The following MYO10 variants were observed in gnomAD, a reference collection of about 807,000 sequenced individuals.
The protein encoded by MYO10 is myosin X, also known as unconventional myosin-X.
In MYO10, 133 loss-of-function variants were observed where a neutral mutation model predicts 257.3. That is an observed-to-expected ratio of 0.52 (90% CI 0.45 to 0.60). The LOEUF is 0.60. Among genes scored for constraint, MYO10 ranks in the 20% least tolerant of loss-of-function variants. MYO10 has a pLI of 0.00. For missense variants in MYO10, 2,399 were observed against 2,635.7 expected (o/e 0.91, Z 1.97); for synonymous variants, 1,104 against 1,028.6 (o/e 1.07, Z -1.40).
At chr5:16,916,163 C>T in intron 1 of MYO10, 1 of 456,016 alleles carries the variant, frequency 2.2e-6, no homozygotes, top group Non-Finnish European at 4.4e-6. Context: ...TGAACCATCT[C>T]CAGAGACCTT....
chr5:16,924,216 G>A (rs1227212435), intron 1 of MYO10, among the ~76,000 whole-genome samples: 2 of 152,198 alleles, frequency 1.3e-5, no homozygotes, highest in Non-Finnish European at 2.9e-5. Flanking sequence ...ACCACGCTGG[G>A]GGGTGAGATG....
intron 28 of MYO10, among the ~76,000 whole-genome samples, chr5:16,689,215 A>T (rs1737381321): frequency 6.6e-6 from 1 of 152,234 alleles, no homozygotes; most frequent in Non-Finnish European, 1.5e-5. Context: ...GAATCAAAAG[A>T]GTTAATATTT....
rs140839198 is a variant in MYO10 at position 16,778,222 on chromosome 5, C to T, written c.930+1323G>A. 3.9e-3 allele frequency among the ~76,000 whole-genome samples: 588 copies of T among 152,150 alleles called. 4 individuals carry two copies. The highest frequency in any genetic ancestry group is 0.024 in the Middle Eastern group (7 of 294). ...AGTGATGAAATCTCCTGGCCAGGCC[C>T]GATTGGGTGGGGCTGTTCGCAACGC... On this transcript the variant is annotated intron_variant, in intron 9 of 40. Coordinates refer to ENST00000513610, the MANE Select transcript of MYO10 (RefSeq NM_012334.3).
intron 19 of MYO10, among the ~76,000 whole-genome samples, chr5:16,717,973 G>A (rs561851765): frequency 2.0e-5 from 3 of 152,328 alleles, no homozygotes; most frequent in East Asian, 1.9e-4. Context: ...AGCGGGAACC[G>A]GGGCTGCGTG....
chr5:16,788,228 A>G (rs1560985003), intron 4 of MYO10, among the ~76,000 whole-genome samples: 3 of 152,120 alleles, frequency 2.0e-5, no homozygotes, highest in East Asian at 3.9e-4. Context: ...GACTGGAGGG[A>G]AAGGGACAGG....
intron 4 of MYO10, among the ~76,000 whole-genome samples, chr5:16,792,110 T>TACACACACAC (rs138106656): frequency 2.9e-5 from 4 of 139,004 alleles, no homozygotes; most frequent in African/African-American, 5.6e-5. Context: ...CACACATACA[T>TACACACACAC]ACACACACAC....
At chr5:16,676,342 C>A (rs529878714) in intron 33 of MYO10, among the ~76,000 whole-genome samples, 188 bp from the exon 34 acceptor site, 1 of 152,182 alleles carries the variant, frequency 6.6e-6, no homozygotes, top group Non-Finnish European at 1.5e-5. Flanking sequence ...TACATTCTTA[C>A]AGCTCATTTC....
intron 5 of MYO10, among the ~76,000 whole-genome samples, chr5:16,782,531 G>T (rs779287886): frequency 2.0e-5 from 3 of 152,138 alleles, no homozygotes; most frequent in Admixed American, 6.6e-5. Flanking sequence ...ACGCCACTGC[G>T]CCGTACACTG....
intron 35 of MYO10, among the ~76,000 whole-genome samples, chr5:16,674,135 G>A (rs752816042): frequency 2.0e-5 from 3 of 152,172 alleles, no homozygotes; most frequent in East Asian, 1.9e-4. Flanking sequence ...CCTCTGCAGC[G>A]TTGTTAATAC....
chr5:16,748,093 C>T (rs996465180), intron 19 of MYO10, among the ~76,000 whole-genome samples: 3 of 151,926 alleles, frequency 2.0e-5, no homozygotes, highest in African/African-American at 7.2e-5. Context: ...TTCTTTGAGA[C>T]AGGTCTCACT....
chr5:16,924,019 G>A (rs1000071330), intron 1 of MYO10, among the ~76,000 whole-genome samples: 1 of 152,280 alleles, frequency 6.6e-6, no homozygotes. Flanking sequence ...GAGCCAAAGA[G>A]ATCAAGGCTG....
chr5:16,779,424 G>A (rs1035880048), intron 9 of MYO10, 121 bp downstream of exon 9: 1 of 592,886 alleles, frequency 1.7e-6, no homozygotes, highest in Non-Finnish European at 2.9e-6. Context: ...CTCACCCACT[G>A]GTCCAAATGG....
chr5:16,698,643 A>G (rs1353997201), intron 26 of MYO10, among the ~76,000 whole-genome samples: 3 of 47,346 alleles, frequency 6.3e-5, no homozygotes, highest in Non-Finnish European at 1.1e-4. Flanking sequence ...TTTTTTTTTG[A>G]GACAGCGTCT....
At chr5:16,929,146 G>A (rs1746226145) in intron 1 of MYO10, among the ~76,000 whole-genome samples, 2 of 151,582 alleles carry the variant, frequency 1.3e-5, no homozygotes, top group African/African-American at 4.8e-5. Flanking sequence ...TAGAGATGGG[G>A]GTTTCACCGT....
rs981662339 is a variant in MYO10 at position 16,661,941 on chromosome 5, T to C, written c.*4751A>G. 5 of 152,132 alleles carry C rather than the reference T, an allele frequency of 3.3e-5. No homozygotes were observed. The highest frequency in any genetic ancestry group is 1.2e-4 in the African/African-American group (5 of 41,420). The allele number at this position is 152,132 out of a possible 1,614,324, so 9.4% of individuals were successfully genotyped here. ...ATAAAACTTTATTCACAAAAACAGG[T>C]GGCAGGGTAGATTTGGTCTCTGTAC... On this transcript the variant is annotated 3_prime_UTR_variant, in exon 41 of 41. Transcript: ENST00000513610.
At chr5:16,850,713 T>C (rs1432684242) in intron 2 of MYO10, among the ~76,000 whole-genome samples, 1 of 151,104 alleles carries the variant, frequency 6.6e-6, no homozygotes, top group Non-Finnish European at 1.5e-5. Context: ...GTATCAATTC[T>C]GATGCCTTAA....
At chr5:16,672,247 G>GT (rs1288753508) in intron 37 of MYO10, among the ~76,000 whole-genome samples, 2 of 143,500 alleles carry the variant, frequency 1.4e-5, no homozygotes, top group East Asian at 4.2e-4. Context: ...GTGAGCCAAG[G>GT]TTGCGCCACT....
At position 16,701,476 on chromosome 5, in the gene MYO10, C is replaced by A; in HGVS notation, c.2919G>T (p.Glu973Asp). 6.2e-7 allele frequency: 1 copy of A among 1,614,010 alleles called. No homozygotes were observed. Among genetic ancestry groups the A allele is most frequent in the Non-Finnish European group, 8.5e-7 (1 of 1,179,896 alleles). Reference sequence around the variant, plus strand: ...AGTTGGGCTTCTCCTCGCATGCGCTCTCAGCCAGCTCGCTGGAAAATTCGC... The same window carrying A: ...AGTTGGGCTTCTCCTCGCATGCGCTATCAGCCAGCTCGCTGGAAAATTCGC... ...VGSEFSSELA[E>D]SACEEKPNFN... The change falls in exon 25 of 41, where the codon GAG (glutamate) becomes GAT (aspartate). Residue 973 changes from glutamate to aspartate, a missense_variant. Glu to Asp is a conservative substitution (Grantham distance 45). This residue lies in a region of MYO10 where 1,820 missense variants were observed against 1,939.4 expected (regional missense o/e 0.94). Coordinates refer to ENST00000513610, the MANE Select transcript of MYO10 (RefSeq NM_012334.3). This position sits in a 1 kb window ranked among gnomAD's most constrained non-coding sequence, Gnocchi z 8.1.
In MYO10 at chr5:16,843,351, C is replaced by T. The variant is rs1173368643; in HGVS notation, c.121-25184G>A. Among the ~76,000 whole-genome samples, 44 of 152,222 alleles carry T rather than the reference C, an allele frequency of 2.9e-4. 1 individual carries two copies. The highest frequency in any genetic ancestry group is 1.3e-4 in the Non-Finnish European group (9 of 68,046). On this transcript the variant is annotated intron_variant, in intron 2 of 40. Coordinates refer to ENST00000513610, the MANE Select transcript of MYO10 (RefSeq NM_012334.3). Reference sequence around the variant, plus strand: ...GCATTCATATATACATACACACATACATACATATAATTATGGCCATTCTTA... The same window carrying T: ...GCATTCATATATACATACACACATATATACATATAATTATGGCCATTCTTA...
Sources: gnomAD v4.1 joint callset for allele counts (sites outside exome capture counted in the v4.1 genomes callset) on GRCh38, gnomAD v4.1.1 for gene constraint, gnomAD v4.1.1 regional missense constraint, Gnocchi (gnomAD v3.1) non-coding constraint, MANE v1.5 for transcripts, NCBI Gene and HGNC (gene_info 2026-07-23, HGNC 2026-07-21) for gene names.